CNTNAP2: variants seen among roughly 807,000 people sequenced by gnomAD.
CNTNAP2 encodes contactin-associated protein-like 2.
In CNTNAP2, 98 loss-of-function variants were observed where a neutral mutation model predicts 155.2. The observed-to-expected ratio is 0.63, with a 90% CI of 0.54 to 0.75. The LOEUF (loss-of-function observed/expected upper bound fraction) is 0.75, where lower values mean the gene tolerates loss of function less well. CNTNAP2 is among the 30% of genes least tolerant of loss of function. The probability of loss-of-function intolerance (pLI) is 0.00; values close to 1 mark genes in which losing one functional copy is unlikely to be tolerated. For missense variants in CNTNAP2, 1,727 were observed against 1,688.1 expected (o/e 1.02, Z -0.40); for synonymous variants, 651 against 631.2 (o/e 1.03, Z -0.47).
intron 1 of CNTNAP2, among the ~76,000 whole-genome samples, chr7:146,185,920 A>G (rs186458323): frequency 1.3e-5 from 2 of 152,164 alleles, no homozygotes; most frequent in East Asian, 3.9e-4. Context: ...TTTAAGATAA[A>G]AGTCAGTAAT....
At chr7:146,748,919 C>A (rs1801857211) in intron 1 of CNTNAP2, among the ~76,000 whole-genome samples, 1 of 152,184 alleles carries the variant, frequency 6.6e-6, no homozygotes, top group Non-Finnish European at 1.5e-5. Flanking sequence ...AACAAGTCTG[C>A]AATTCAACCA....
chr7:147,785,947 G>A (rs1004847935), intron 13 of CNTNAP2, among the ~76,000 whole-genome samples: 6 of 151,826 alleles, frequency 4.0e-5, no homozygotes, highest in Non-Finnish European at 7.4e-5. Flanking sequence ...AGCCAAGATC[G>A]TGCCACCGCA....
chr7:146,941,164 A>C (rs1436346732), intron 3 of CNTNAP2, among the ~76,000 whole-genome samples: 1 of 151,892 alleles, frequency 6.6e-6, no homozygotes, highest in Non-Finnish European at 1.5e-5. Context: ...ATTGTTTCCC[A>C]GTTGTTTTGA....
intron 3 of CNTNAP2, among the ~76,000 whole-genome samples, chr7:146,933,325 CAG>C (rs1443402307): frequency 1.3e-5 from 2 of 151,950 alleles, no homozygotes; most frequent in Non-Finnish European, 2.9e-5. Context: ...CGGAGAAAAA[CAG>C]GCAATGGGGA....
chr7:147,260,564 C>T (rs570835228), intron 8 of CNTNAP2, among the ~76,000 whole-genome samples: 1 of 152,310 alleles, frequency 6.6e-6, no homozygotes, highest in South Asian at 2.1e-4. Flanking sequence ...GTACTATCCA[C>T]ACTATAATAT....
intron 15 of CNTNAP2, among the ~76,000 whole-genome samples, chr7:148,089,001 A>G (rs1477046762): frequency 6.6e-6 from 1 of 152,036 alleles, no homozygotes; most frequent in Non-Finnish European, 1.5e-5. Context: ...AGGATGGTTC[A>G]ATATACAATA....
At chr7:147,582,217 G>T (rs1030612594) in intron 12 of CNTNAP2, among the ~76,000 whole-genome samples, 1 of 152,060 alleles carries the variant, frequency 6.6e-6, no homozygotes, top group Non-Finnish European at 1.5e-5. Flanking sequence ...CTTGTAGATT[G>T]CATGTTCTTA....
At chr7:146,309,972 A>G (rs1800791535) in intron 1 of CNTNAP2, among the ~76,000 whole-genome samples, 1 of 152,194 alleles carries the variant, frequency 6.6e-6, no homozygotes, top group Non-Finnish European at 1.5e-5. Context: ...TGCTATCAAA[A>G]TGCAATTGTG....
intron 15 of CNTNAP2, among the ~76,000 whole-genome samples, chr7:148,070,942 TA>T (rs1230098990): frequency 6.6e-6 from 1 of 152,216 alleles, no homozygotes; most frequent in Non-Finnish European, 1.5e-5. Context: ...GTACTAAAAC[TA>T]ATACATCTTA....
At chr7:146,474,586 A>G (rs1396450430) in intron 1 of CNTNAP2, among the ~76,000 whole-genome samples, 1 of 152,048 alleles carries the variant, frequency 6.6e-6, no homozygotes, top group Non-Finnish European at 1.5e-5. Context: ...GTTATTGCCC[A>G]AAGAATCATT....
chr7:147,531,770 G>C (rs1221311548), intron 11 of CNTNAP2, among the ~76,000 whole-genome samples: 1 of 151,670 alleles, frequency 6.6e-6, no homozygotes, highest in Non-Finnish European at 1.5e-5. Flanking sequence ...TCTGCAGCCG[G>C]CTTGAATTTC....
intron 20 of CNTNAP2, among the ~76,000 whole-genome samples, chr7:148,254,209 G>A (rs914299856): frequency 6.6e-6 from 1 of 152,088 alleles, no homozygotes; most frequent in Admixed American, 6.5e-5. Flanking sequence ...AGCAGACGAT[G>A]TGACATCAAC....
intron 9 of CNTNAP2, among the ~76,000 whole-genome samples, chr7:147,384,462 A>T (rs569853989): frequency 6.6e-6 from 1 of 152,270 alleles, no homozygotes; most frequent in South Asian, 2.1e-4. Flanking sequence ...TTGCAGTGAG[A>T]GTCAGGAGTC....
At chr7:147,981,777 G>A (rs918751919) in intron 15 of CNTNAP2, among the ~76,000 whole-genome samples, 1 of 148,468 alleles carries the variant, frequency 6.7e-6, no homozygotes, top group Non-Finnish European at 1.5e-5. Flanking sequence ...AAATGCTTAT[G>A]TCCTTACAGG....
At chr7:146,960,317 C>G (rs1797530618) in intron 3 of CNTNAP2, among the ~76,000 whole-genome samples, 1 of 152,098 alleles carries the variant, frequency 6.6e-6, no homozygotes, top group Admixed American at 6.6e-5. Flanking sequence ...GAGAATGTTT[C>G]TATTTTCTCA....
Position 148,151,765 on chromosome 7 carries a change from A to T in CNTNAP2, c.2773+4056A>T, listed in dbSNP as rs73744759. 9.4e-3 allele frequency among the ~76,000 whole-genome samples: 1,431 copies of T among 152,148 alleles called. 24 individuals carry two copies. Among genetic ancestry groups the T allele is most frequent in the African/African-American group, 0.032 (1,319 of 41,500 alleles). On this transcript the variant is annotated intron_variant, in intron 17 of 23. Transcript: ENST00000361727. The stretch of plus-strand genomic sequence containing the variant: ...ATTGACTTGAAATGTGATCACTTCC[A>T]CTCACCAACCCTACAGGAAAGCTCA...
chr7:148,036,033 A>G (rs1391892840), intron 15 of CNTNAP2, among the ~76,000 whole-genome samples: 4 of 152,206 alleles, frequency 2.6e-5, no homozygotes, highest in African/African-American at 2.4e-5. Flanking sequence ...TGTCTATACT[A>G]TGCCTGTTTT....
chr7:146,404,099 TG>T (rs1223711425), intron 1 of CNTNAP2, among the ~76,000 whole-genome samples: 1 of 118,078 alleles, frequency 8.5e-6, no homozygotes, highest in Non-Finnish European at 1.6e-5. Context: ...CACTCCAGCC[TG>T]GGCGACAGAG....
At chr7:147,870,491 A>G (rs1019920841) in intron 13 of CNTNAP2, among the ~76,000 whole-genome samples, 6 of 152,116 alleles carry the variant, frequency 3.9e-5, no homozygotes, top group Non-Finnish European at 7.3e-5. Flanking sequence ...GCAGCTGACC[A>G]TCTGTCATTC....
Sources: gnomAD v4.1 joint callset for allele counts (sites outside exome capture counted in the v4.1 genomes callset) on GRCh38, gnomAD v4.1.1 for gene constraint, MANE v1.5 for transcripts, NCBI Gene and HGNC (gene_info 2026-07-23, HGNC 2026-07-21) for gene names.